EVI5: variants seen among roughly 807,000 people sequenced by gnomAD.
The protein encoded by EVI5 is ecotropic viral integration site 5.
EVI5 carries 73 observed loss-of-function variants against 112.0 expected under a neutral mutation model. The observed-to-expected ratio is 0.65, with a 90% confidence interval of 0.54 to 0.79. The LOEUF is 0.79. EVI5 is among the 30% of genes least tolerant of loss of function. EVI5 has a pLI of 0.00. For missense variants in EVI5, 900 were observed against 968.8 expected, an observed-to-expected ratio of 0.93 and a Z score of 0.94; for synonymous variants, 305 against 319.9, an observed-to-expected ratio of 0.95 and a Z score of 0.50.
chr1:92,774,741 T>A (rs1683882772), intron 1 of EVI5, among the ~76,000 whole-genome samples: 1 of 152,108 alleles, frequency 6.6e-6, no homozygotes, highest in Admixed American at 6.6e-5. Context: ...ACTGTGTGAG[T>A]TGGATGAGCA....
intron 1 of EVI5, among the ~76,000 whole-genome samples, chr1:92,746,212 C>G (rs1175121276): frequency 1.3e-5 from 2 of 152,152 alleles, no homozygotes; most frequent in Non-Finnish European, 2.9e-5. Context: ...GTTCTCTGAA[C>G]TTATTCTGGT....
intron 18 of EVI5, among the ~76,000 whole-genome samples, chr1:92,567,195 T>C (rs573738683): frequency 3.3e-5 from 5 of 152,270 alleles, no homozygotes; most frequent in African/African-American, 1.2e-4. Flanking sequence ...AAGATATTTT[T>C]GTACAGCCAT....
chr1:92,769,546 T>TTATCTTA (rs1420670048), intron 1 of EVI5, among the ~76,000 whole-genome samples: 1 of 152,136 alleles, frequency 6.6e-6, no homozygotes, highest in African/African-American at 2.4e-5. Context: ...TGTGACTATG[T>TTATCTTA]TATCTTATAC....
At chr1:92,542,540 C>A (rs983248037) in intron 19 of EVI5, among the ~76,000 whole-genome samples, 1 of 152,144 alleles carries the variant, frequency 6.6e-6, no homozygotes, top group African/African-American at 2.4e-5. Flanking sequence ...AATGGTGAAC[C>A]CTTTGCGGAG....
chr1:92,632,385 C>G (rs942353594), intron 14 of EVI5, among the ~76,000 whole-genome samples: 4 of 152,132 alleles, frequency 2.6e-5, no homozygotes, highest in African/African-American at 9.7e-5. Flanking sequence ...TTCAGAGATT[C>G]AACTTCTTCC....
intron 10 of EVI5, among the ~76,000 whole-genome samples, chr1:92,674,592 G>A (rs1666410306): frequency 6.6e-6 from 1 of 151,846 alleles, no homozygotes; most frequent in African/African-American, 2.4e-5. Context: ...TGTAGATGAC[G>A]GGTTAATGGG....
At chr1:92,581,930 A>G (rs769447684) in intron 18 of EVI5, among the ~76,000 whole-genome samples, 32 of 152,240 alleles carry the variant, frequency 2.1e-4, no homozygotes, top group Non-Finnish European at 4.6e-4. Context: ...TATGCCAGGC[A>G]CCAGGCATAC....
At chr1:92,561,751 C>T (rs192445432) in intron 19 of EVI5, among the ~76,000 whole-genome samples, 116 of 152,108 alleles carry the variant, frequency 7.6e-4, no homozygotes, top group Non-Finnish European at 1.3e-3. Context: ...GATTCTCCTG[C>T]CCCAGCCTCC....
intron 16 of EVI5, among the ~76,000 whole-genome samples, chr1:92,607,977 C>T (rs1650825806): frequency 6.6e-6 from 1 of 151,342 alleles, no homozygotes; most frequent in African/African-American, 2.4e-5. Flanking sequence ...AACCCCGTCT[C>T]TACTAAAATT....
intron 2 of EVI5, 35 bp from the exon 3 acceptor site, chr1:92,704,779 C>A: frequency 9.4e-7 from 1 of 1,066,814 alleles, no homozygotes; most frequent in South Asian, 2.0e-5. Flanking sequence ...AAGATCTAAT[C>A]GGACAGTGAT....
At position 92,776,125 on chromosome 1, in the gene EVI5, A is replaced by T. The variant is rs1377515621; in HGVS notation, c.-82+8711T>A. Reference sequence around the variant, plus strand: ...TCCATCTCAAAAAAAAAAAAAAAAAATTAATTTGAAGAGCAATATGTAGAG... The same window carrying T: ...TCCATCTCAAAAAAAAAAAAAAAAATTTAATTTGAAGAGCAATATGTAGAG... On this transcript the variant is annotated intron_variant, in intron 1 of 19. Transcript: ENST00000684568. Among the ~76,000 whole-genome samples the T allele has an allele frequency of 2.6e-5, 4 of 151,664 alleles. 1 individual carries two copies. The highest frequency in any genetic ancestry group is 9.7e-5 in the African/African-American group (4 of 41,278).
intron 19 of EVI5, among the ~76,000 whole-genome samples, chr1:92,561,889 C>T (rs545599673): frequency 1.3e-5 from 2 of 152,252 alleles, no homozygotes; most frequent in South Asian, 4.1e-4. Context: ...CTGCCTGCTT[C>T]AGCCTCCCAA....
At position 92,677,161 on chromosome 1, in the gene EVI5, A is replaced by G. The variant is rs1297911092; in HGVS notation, c.1155T>C (p.Ile385=). ...KTKEMEEQVE[I]KRLRTENRLL... ...TAAAAAGCCCCCAACTGCTTACTTT[A>G]ATTTCAACTTGCTCTTCCATTTCTT... The change falls in exon 10 of 20, where the codon ATT becomes ATC. Residue 385 remains isoleucine (I), a synonymous_variant. Transcript: ENST00000684568. 2 of 1,582,518 alleles carry G rather than the reference A, an allele frequency of 1.3e-6. No individual in the cohort carries two copies. Among genetic ancestry groups the G allele is most frequent in the Non-Finnish European group, 1.7e-6 (2 of 1,156,700 alleles).
At chr1:92,543,100 G>A (rs1172180570) in intron 19 of EVI5, among the ~76,000 whole-genome samples, 1 of 152,200 alleles carries the variant, frequency 6.6e-6, no homozygotes, top group Admixed American at 6.6e-5. Context: ...TTTGAAGCCA[G>A]ATATTGACTT....
At chr1:92,720,671 A>T (rs1001232143) in intron 2 of EVI5, among the ~76,000 whole-genome samples, 3 of 152,220 alleles carry the variant, frequency 2.0e-5, no homozygotes, top group Admixed American at 6.5e-5. Flanking sequence ...CAAAATTAAC[A>T]AATGGGATCT....
At chr1:92,698,708 C>A (rs1670680337) in intron 5 of EVI5, among the ~76,000 whole-genome samples, 1 of 152,138 alleles carries the variant, frequency 6.6e-6, no homozygotes, top group Non-Finnish European at 1.5e-5. Context: ...AGGATTTCGA[C>A]TTTTACCTTA....
intron 1 of EVI5, among the ~76,000 whole-genome samples, chr1:92,777,586 T>C (rs747080956): frequency 6.6e-5 from 10 of 152,172 alleles, no homozygotes; most frequent in Non-Finnish European, 1.3e-4. Context: ...CTCCTGACAC[T>C]CTTTTCAGAC....
At chr1:92,573,128 AG>A (rs1452320019) in intron 18 of EVI5, among the ~76,000 whole-genome samples, 1 of 152,112 alleles carries the variant, frequency 6.6e-6, no homozygotes, top group African/African-American at 2.4e-5. Flanking sequence ...AACATACCCT[AG>A]AAAATATTTA....
chr1:92,669,547 C>CAAAAAAAAAAAGAAAAAAAAAA (rs1665498623), intron 10 of EVI5, among the ~76,000 whole-genome samples: 1 of 51,810 alleles, frequency 1.9e-5, no homozygotes, highest in Non-Finnish European at 3.2e-5. Flanking sequence ...GGCTCTGTCT[C>CAAAAAAAAAAAGAAAAAAAAAA]AAAAAAAAAA....
Sources: allele counts gnomAD v4.1 joint callset (sites outside exome capture counted in the v4.1 genomes callset), GRCh38; gene constraint gnomAD v4.1.1; transcripts MANE v1.5; gene names NCBI Gene and HGNC (gene_info 2026-07-23, HGNC 2026-07-21).